FBXO11: variants seen among roughly 807,000 people sequenced by gnomAD.
FBXO11 encodes F-box only protein 11.
In FBXO11, 13 loss-of-function variants were observed where a neutral mutation model predicts 117.0. The ratio of observed to expected loss-of-function variants is 0.11; its 90% confidence interval spans 0.07 to 0.18. FBXO11 has a LOEUF of 0.18. FBXO11 is among the 10% of genes least tolerant of loss of function. The pLI, the probability that FBXO11 is intolerant of heterozygous loss-of-function variation, is 1.00. For synonymous variants in FBXO11, 490 were observed against 380.5 expected, an observed-to-expected ratio of 1.29 and a Z score of -3.35; for missense variants, 767 against 1,164.4, an observed-to-expected ratio of 0.66 and a Z score of 4.97.
chr2:47,890,456 T>G (rs1458771195), intron 1 of FBXO11, among the ~76,000 whole-genome samples: 1 of 152,168 alleles, frequency 6.6e-6, no homozygotes, highest in Non-Finnish European at 1.5e-5. Flanking sequence ...TAAAATGCCC[T>G]ACATGGGGAC....
rs768356830 is a variant in FBXO11, at chr2:47,883,398, G to A, written c.232+22091C>T. The stretch of plus-strand genomic sequence containing the variant: ...AGTGCCCTGTGCATTGCCTTCTCCT[G>A]TATCCCCTAATCTAACTCATCTCTT... On this transcript the variant is annotated intron_variant, in intron 1 of 22. Transcript: ENST00000403359. 6.9e-4 allele frequency: 222 copies of A among 323,152 alleles called. 2 individuals are homozygous for A. The highest frequency in any genetic ancestry group is 7.6e-4 in the Non-Finnish European group (123 of 162,056). The allele number at this position is 323,152 out of a possible 1,614,324, so 20.0% of individuals were successfully genotyped here. A position where few individuals can be genotyped will look rare whatever the true frequency, so the allele number is the denominator to read the frequency against.
At chr2:47,836,130 A>T (rs959733302) in intron 4 of FBXO11, 129 bp from the exon 5 acceptor site, 2 of 567,014 alleles carry the variant, frequency 3.5e-6, no homozygotes, top group Non-Finnish European at 5.8e-6. Flanking sequence ...ACAAAAATGA[A>T]TATTAAATCA....
At position 47,813,451 on chromosome 2, in the gene FBXO11, GAC is replaced by G. The variant is rs1670774223; in HGVS notation, c.2084-76_2084-75del. On this transcript the variant is annotated intron_variant, in intron 17 of 22. Coordinates refer to ENST00000403359, the MANE Select transcript of FBXO11 (RefSeq NM_001190274.2). The stretch of plus-strand genomic sequence containing the variant: ...TTTTTTTTTTTTTTTTTTTTTTTGA[GAC>G]AGAGTCTCGCTCTGTTGCCAGGCTG... The G allele has an allele frequency of 2.2e-5, 5 of 230,784 alleles. No homozygotes were observed. The Admixed American group carries it at 5.2e-4, about 24-fold the overall frequency. 14.3% of individuals were successfully genotyped at this position (230,784 alleles called of 1,614,324 possible). A position where few individuals can be genotyped will look rare whatever the true frequency, so the allele number is the denominator to read the frequency against.
Position 47,807,577 on chromosome 2 carries a change from A to T in FBXO11, c.*541T>A, listed in dbSNP as rs1558397958. 4.6e-6 allele frequency: 1 copy of T among 216,376 alleles called. No homozygotes were observed. 13.4% of individuals were successfully genotyped at this position (216,376 alleles called of 1,614,324 possible). A position where few individuals can be genotyped will look rare whatever the true frequency, so the allele number is the denominator to read the frequency against. ...TAGGTGTGCTAACAAAACAGGGCAC[A>T]TTCAAGTACAGTAAGATTTTGCTTG... is the stretch of plus-strand genomic sequence containing the variant. On this transcript the variant is annotated 3_prime_UTR_variant, in exon 23 of 23. Transcript: ENST00000403359.
intron 1 of FBXO11, among the ~76,000 whole-genome samples, chr2:47,903,392 G>A (rs1368534926): frequency 6.6e-6 from 1 of 152,118 alleles, no homozygotes; most frequent in Non-Finnish European, 1.5e-5. Flanking sequence ...ATTTGGTTGG[G>A]TACATACTGA....
chr2:47,898,380 T>C (rs1297856001), intron 1 of FBXO11, among the ~76,000 whole-genome samples: 2 of 152,194 alleles, frequency 1.3e-5, no homozygotes, highest in Non-Finnish European at 2.9e-5. Flanking sequence ...CACCAAACCA[T>C]GGTGAGAAAA....
intron 11 of FBXO11, among the ~76,000 whole-genome samples, chr2:47,825,751 GT>G (rs1458449668): frequency 2.0e-5 from 3 of 151,680 alleles, no homozygotes; most frequent in Non-Finnish European, 4.4e-5. Flanking sequence ...CAATTTTTGT[GT>G]TTTTAGTAGA....
At chr2:47,884,586 A>T (rs976878123) in intron 1 of FBXO11, among the ~76,000 whole-genome samples, 23 of 152,214 alleles carry the variant, frequency 1.5e-4, no homozygotes, top group Non-Finnish European at 2.6e-4. Flanking sequence ...TCATTCGGAA[A>T]GTATGATTAT....
intron 16 of FBXO11, among the ~76,000 whole-genome samples, chr2:47,815,947 C>T (rs1032214071): frequency 7.2e-5 from 11 of 152,182 alleles, no homozygotes; most frequent in Admixed American, 3.9e-4. Context: ...GCATGGCCCA[C>T]GCTGGCCTCA....
intron 1 of FBXO11, among the ~76,000 whole-genome samples, chr2:47,842,905 C>T (rs7568939): frequency 0.014 from 2,182 of 152,202 alleles, 19 homozygotes; most frequent in South Asian, 0.04. Flanking sequence ...CTTGGCCTCT[C>T]GAACAGCTGG....
intron 1 of FBXO11, among the ~76,000 whole-genome samples, chr2:47,880,972 G>GGGCC: frequency 6.6e-6 from 1 of 152,010 alleles, no homozygotes; most frequent in East Asian, 1.9e-4. Context: ...AGGCATGTTT[G>GGGCC]GGCCGGGCAT....
chr2:47,849,067 A>G (rs1313940981), intron 1 of FBXO11, among the ~76,000 whole-genome samples: 1 of 152,222 alleles, frequency 6.6e-6, no homozygotes, highest in Non-Finnish European at 1.5e-5. Context: ...TGTGTTTAGA[A>G]ACAGCTCCCA....
chr2:47,888,213 A>C (rs1677011833), intron 1 of FBXO11, among the ~76,000 whole-genome samples: 1 of 152,180 alleles, frequency 6.6e-6, no homozygotes, highest in Admixed American at 6.5e-5. Context: ...ACAACTCATT[A>C]AAATGAAAAA....
chr2:47,888,043 G>GAT (rs537692577), intron 1 of FBXO11, among the ~76,000 whole-genome samples: 66 of 151,442 alleles, frequency 4.4e-4, no homozygotes, highest in South Asian at 2.3e-3. Context: ...AAAAATGAAA[G>GAT]ATATATATAT....
chr2:47,834,356 A>C (rs904413376), intron 7 of FBXO11, among the ~76,000 whole-genome samples: 2 of 151,966 alleles, frequency 1.3e-5, no homozygotes, highest in Non-Finnish European at 2.9e-5. Context: ...CATCAAAAAA[A>C]CAAAAAAGGT....
At chr2:47,901,120 C>A (rs1351053733) in intron 1 of FBXO11, among the ~76,000 whole-genome samples, 1 of 78,494 alleles carries the variant, frequency 1.3e-5, no homozygotes, top group Admixed American at 1.4e-4. Context: ...TATGTACACA[C>A]GTGTGTACAT....
chr2:47,905,753 GACACAC>G lies in FBXO11; in HGVS notation c.-39_-34del, dbSNP rs760388446. On this transcript the variant is annotated 5_prime_UTR_variant, in exon 1 of 23. Transcript: ENST00000403359. ...GCTGAGGTGGCGGCGTTGGCGGAGG[GACACAC>G]ACACGCACACGCACAGCGAGCTTCG... The G allele has an allele frequency of 1.7e-5, 23 of 1,355,922 alleles. No homozygotes were observed. In the Middle Eastern group the frequency reaches 8.3e-4, roughly 49 times the overall value. 84.0% of individuals were successfully genotyped at this position (1,355,922 alleles called of 1,614,324 possible).
intron 1 of FBXO11, among the ~76,000 whole-genome samples, chr2:47,851,983 C>T (rs570160280): frequency 1.3e-5 from 2 of 151,008 alleles, no homozygotes; most frequent in Admixed American, 1.3e-4. Context: ...CTGTATCAAG[C>T]AACCAATTTT....
intron 1 of FBXO11, among the ~76,000 whole-genome samples, chr2:47,856,369 G>T (rs1343060304): frequency 6.6e-6 from 1 of 152,098 alleles, no homozygotes; most frequent in South Asian, 2.1e-4. Flanking sequence ...AGGAAGACAC[G>T]GTATGCAGCA....
Sources: allele counts gnomAD v4.1 joint callset (sites outside exome capture counted in the v4.1 genomes callset), GRCh38; gene constraint gnomAD v4.1.1; transcripts MANE v1.5; gene names NCBI Gene and HGNC (gene_info 2026-07-23, HGNC 2026-07-21).